SPTLC3: variants seen among roughly 807,000 people sequenced by gnomAD.
SPTLC3 encodes serine palmitoyltransferase long chain base subunit 3, also known as serine palmitoyltransferase 3.
In SPTLC3, 36 loss-of-function variants were observed where a neutral mutation model predicts 59.3. That is an observed-to-expected ratio of 0.61 (90% confidence interval 0.47 to 0.80). The LOEUF (loss-of-function observed/expected upper bound fraction) is 0.80, where lower values mean the gene tolerates loss of function less well. Ranked by LOEUF, SPTLC3 falls within the 30% of genes least tolerant of loss-of-function variation. The probability of loss-of-function intolerance (pLI) is 0.00; values close to 1 mark genes in which losing one functional copy is unlikely to be tolerated. For missense variants in SPTLC3, 625 were observed against 685.1 expected, an observed-to-expected ratio of 0.91 and a Z score of 0.98; for synonymous variants, 257 against 240.8, an observed-to-expected ratio of 1.07 and a Z score of -0.62.
chr20:13,073,746 A>G (rs374870229), intron 3 of SPTLC3: 5 of 547,686 alleles, frequency 9.1e-6, no homozygotes, highest in South Asian at 6.5e-5. Context: ...AACAGTATCC[A>G]TTATTCCAGA....
chr20:13,088,374 G>A (rs538970898), intron 4 of SPTLC3, among the ~76,000 whole-genome samples: 3 of 152,016 alleles, frequency 2.0e-5, no homozygotes, highest in South Asian at 2.1e-4. Flanking sequence ...TTGCTCTGTC[G>A]CCCAGGCTGG....
intron 6 of SPTLC3, among the ~76,000 whole-genome samples, chr20:13,094,984 A>G (rs555698534): frequency 6.6e-6 from 1 of 152,344 alleles, no homozygotes; most frequent in African/African-American, 2.4e-5. Flanking sequence ...GCCAAGTTAA[A>G]TTCTTTCAGT....
At chr20:13,030,166 G>A (rs1468154671) in intron 1 of SPTLC3, among the ~76,000 whole-genome samples, 1 of 152,188 alleles carries the variant, frequency 6.6e-6, no homozygotes, top group African/African-American at 2.4e-5. Flanking sequence ...TCATCCATGA[G>A]TCACTGGCTG....
chr20:13,151,588 T>C (rs898020269), intron 9 of SPTLC3, among the ~76,000 whole-genome samples: 3 of 152,198 alleles, frequency 2.0e-5, no homozygotes, highest in Non-Finnish European at 2.9e-5. Context: ...AATTGGGGCA[T>C]TTAGCATCCT....
intron 9 of SPTLC3, among the ~76,000 whole-genome samples, chr20:13,136,294 T>A (rs1273500182): frequency 6.6e-6 from 1 of 152,030 alleles, no homozygotes; most frequent in Non-Finnish European, 1.5e-5. Flanking sequence ...CTATTTAAGA[T>A]CCTCAGAAAT....
At chr20:13,068,583 G>A (rs1988319004) in intron 2 of SPTLC3, among the ~76,000 whole-genome samples, 1 of 152,118 alleles carries the variant, frequency 6.6e-6, no homozygotes, top group Non-Finnish European at 1.5e-5. Flanking sequence ...GTGGGGAGAA[G>A]AGGGCCACGC....
At chr20:13,123,172 A>T (rs980141626) in intron 8 of SPTLC3, among the ~76,000 whole-genome samples, 7 of 151,980 alleles carry the variant, frequency 4.6e-5, no homozygotes, top group African/African-American at 1.7e-4. Flanking sequence ...CTCTACTAAA[A>T]ATACAAAAAT....
intron 2 of SPTLC3, among the ~76,000 whole-genome samples, chr20:13,059,740 C>T (rs532709910): frequency 8.1e-4 from 123 of 152,298 alleles, no homozygotes; most frequent in African/African-American, 2.8e-3. Flanking sequence ...TCTTTTACCA[C>T]CCCCACAAAC....
intron 3 of SPTLC3, chr20:13,073,819 A>C: frequency 1.7e-6 from 1 of 593,178 alleles, no homozygotes; most frequent in Non-Finnish European, 3.3e-6. Context: ...GTTGGCCCCA[A>C]CTCAGTTTGG....
chr20:13,073,657 T>G, intron 3 of SPTLC3: 1 of 328,354 alleles, frequency 3.0e-6, no homozygotes, highest in Non-Finnish European at 6.0e-6. Flanking sequence ...AGGGAATGAT[T>G]AACATTTTTT....
chr20:13,081,543 T>C (rs1465598240), intron 4 of SPTLC3, among the ~76,000 whole-genome samples: 1 of 152,196 alleles, frequency 6.6e-6, no homozygotes, highest in Non-Finnish European at 1.5e-5. Context: ...TAAATAAATA[T>C]ATTCTTATGG....
chr20:13,035,999 A>G (rs1986717437), intron 1 of SPTLC3, among the ~76,000 whole-genome samples: 1 of 152,134 alleles, frequency 6.6e-6, no homozygotes, highest in South Asian at 2.1e-4. Flanking sequence ...TATCACTTGC[A>G]TAACTTCAGT....
chr20:13,144,975 C>T (rs2122904893), intron 9 of SPTLC3, among the ~76,000 whole-genome samples: 1 of 152,188 alleles, frequency 6.6e-6, no homozygotes, highest in Admixed American at 6.5e-5. Context: ...CAGGGTTTCA[C>T]CATGTTAGCC....
chr20:13,051,830 T>C (rs939945179), intron 2 of SPTLC3, among the ~76,000 whole-genome samples: 2 of 152,168 alleles, frequency 1.3e-5, no homozygotes, highest in Admixed American at 1.3e-4. Context: ...AACCTGCTCC[T>C]GAATGAGCAC....
intron 6 of SPTLC3, 26 bp from the exon 7 acceptor site, chr20:13,110,086 A>AT (rs375575863): frequency 0.022 from 24,129 of 1,118,992 alleles, 95 homozygotes; most frequent in African/African-American, 0.061. Flanking sequence ...TCATGACTCA[A>AT]TTTTTTTTTT....
intron 10 of SPTLC3, among the ~76,000 whole-genome samples, chr20:13,154,715 T>C (rs1458490928): frequency 6.6e-6 from 1 of 152,200 alleles, no homozygotes; most frequent in African/African-American, 2.4e-5. Context: ...GCCCTTACTG[T>C]GAACCTGTTT....
intron 9 of SPTLC3, among the ~76,000 whole-genome samples, chr20:13,135,867 T>G (rs765980905): frequency 6.6e-6 from 1 of 152,248 alleles, no homozygotes; most frequent in Non-Finnish European, 1.5e-5. Context: ...AGTGCCAGGC[T>G]GGTGGGATAA....
At chr20:13,150,842 C>G (rs1393686623) in intron 9 of SPTLC3, among the ~76,000 whole-genome samples, 1 of 152,158 alleles carries the variant, frequency 6.6e-6, no homozygotes. Context: ...CTGGAATACT[C>G]TCCTCTAGCT....
intron 1 of SPTLC3, among the ~76,000 whole-genome samples, chr20:13,016,619 T>C (rs2122369850): frequency 6.6e-6 from 1 of 152,330 alleles, no homozygotes; most frequent in African/African-American, 2.4e-5. Context: ...CTACTTTCTA[T>C]GATAATAGGC....
Sources: allele counts gnomAD v4.1 joint callset (sites outside exome capture counted in the v4.1 genomes callset), GRCh38; gene constraint gnomAD v4.1.1; transcripts MANE v1.5; gene names NCBI Gene and HGNC (gene_info 2026-07-23, HGNC 2026-07-21).